KRT18: variants seen among roughly 807,000 people sequenced by gnomAD.
KRT18 encodes keratin, type I cytoskeletal 18.
In KRT18, 8 loss-of-function variants were observed where a neutral mutation model predicts 39.9. The observed-to-expected ratio is 0.20, with a 90% CI of 0.12 to 0.36. The LOEUF (loss-of-function observed/expected upper bound fraction) is 0.36. Among genes scored for constraint, KRT18 ranks in the 10% least tolerant of loss-of-function variants. The pLI, the probability that KRT18 is intolerant of heterozygous loss-of-function variation, is 1.00. For synonymous variants in KRT18, 194 were observed against 227.8 expected (o/e 0.85, Z 1.33); for missense variants, 396 against 565.7 (o/e 0.70, Z 3.04).
intron 2 of KRT18, 70 bp from the exon 3 acceptor site, chr12:52,950,680 G>A (rs931302561): frequency 1.6e-5 from 24 of 1,506,196 alleles, no homozygotes; most frequent in Non-Finnish European, 3.6e-6. Context: ...ACTTCTCTTA[G>A]TAGGTGGCAT....
intron 1 of KRT18, 98 bp downstream of exon 1, chr12:52,949,688 A>G: frequency 9.3e-7 from 1 of 1,072,424 alleles, no homozygotes. Flanking sequence ...CCCAACCCCT[A>G]CTCCACCGGG....
rs1942504340 is a variant in KRT18 at position 52,952,247 on chromosome 12, G to C, written c.1077G>C (p.Gln359His). 6.2e-7 allele frequency: 1 copy of C among 1,605,934 alleles called. No homozygotes were observed. The highest frequency in any genetic ancestry group is 8.5e-7 in the Non-Finnish European group (1 of 1,177,154). Residue 359 changes from glutamine to histidine, a missense_variant, in exon 6 of 7, where the codon CAG (glutamine) becomes CAC (histidine). Physicochemically the swap from Gln to His is conservative, Grantham distance 24 (BLOSUM62 0). Coordinates refer to ENST00000388835, the MANE Select transcript of KRT18 (RefSeq NM_000224.3). Reference protein sequence around the residue: ...LAQTRAEGQRQAQEYEALLNI... With the variant: ...LAQTRAEGQRHAQEYEALLNI... ...AGACCCGGGCAGAGGGACAGCGCCA[G>C]GCCCAGGAGTATGAGGCCCTGCTGA...
chr12:52,952,528 C>CA (rs761906127), intron 6 of KRT18, 186 bp downstream of exon 6: 43 of 777,658 alleles, frequency 5.5e-5, no homozygotes, highest in Non-Finnish European at 9.3e-5. Flanking sequence ...TTGAAGAAAG[C>CA]AAACTAAGTA....
rs1015378270 is a variant in KRT18, at chr12:52,952,770, G to A, written c.1221G>A (p.Lys407=). Reference sequence around the variant, plus strand: ...GCAACTCCATGCAAACCATCCAAAAGACCACCACCCGCCGGATAGTGGATG... The same window carrying A: ...GCAACTCCATGCAAACCATCCAAAAAACCACCACCCGCCGGATAGTGGATG... ...DSSNSMQTIQ[K]TTTRRIVDGK... The change falls in exon 7 of 7, where the codon AAG becomes AAA. Residue 407 remains lysine (K), a synonymous_variant. Transcript: ENST00000388835. 6.2e-7 allele frequency: 1 copy of A among 1,613,136 alleles called. No homozygotes were observed. Among genetic ancestry groups the A allele is most frequent in the African/African-American group, 1.3e-5 (1 of 74,876 alleles).
chr12:52,950,483 G>C, intron 2 of KRT18, 73 bp downstream of exon 2: 1 of 1,111,642 alleles, frequency 9.0e-7, no homozygotes. Context: ...GGCTGGGTCA[G>C]TTAGGGGCTC....
intron 3 of KRT18, 51 bp from the exon 4 acceptor site, chr12:52,951,430 G>C: frequency 6.3e-7 from 1 of 1,580,410 alleles, no homozygotes; most frequent in Non-Finnish European, 8.7e-7. Flanking sequence ...GAAAGGCCTT[G>C]TTGGAGCTCT....
At chr12:52,951,961 C>A in intron 5 of KRT18, 105 bp downstream of exon 5, 1 of 1,441,168 alleles carries the variant, frequency 6.9e-7, no homozygotes, top group Non-Finnish European at 9.7e-7. Context: ...TCCTTTAGCT[C>A]AGAAAGAGTC....
chr12:52,951,234 C>T (rs1173940539), intron 3 of KRT18, among the ~76,000 whole-genome samples: 6 of 152,102 alleles, frequency 3.9e-5, no homozygotes, highest in Non-Finnish European at 1.5e-5. Flanking sequence ...GTAGAAGGAG[C>T]AGGTTTGTGA....
At chr12:52,949,013 C>T, upstream of KRT18, 15 of 612,500 alleles carry the variant, frequency 2.4e-5, no homozygotes, top group Non-Finnish European at 3.6e-5. Context: ...GGGCGGAGGG[C>T]GCGGGCTCCG....
intron 1 of KRT18, 160 bp downstream of exon 1, chr12:52,949,750 C>T (rs1942444128): frequency 1.4e-6 from 1 of 736,410 alleles, no homozygotes; most frequent in African/African-American, 1.7e-5. Flanking sequence ...CACAGGGTCC[C>T]TAAGAGCAGC....
Position 52,952,277 on chromosome 12 carries a change from C to T in KRT18, c.1107C>T (p.Ile369=). The part of the protein sequence containing the change: ...QAQEYEALLN[I]KVKLEAEIAT... The stretch of plus-strand genomic sequence containing the variant: ...AGGAGTATGAGGCCCTGCTGAACAT[C>T]AAGGTCAAGCTGGAGGCTGAGATCG... The change falls in exon 6 of 7, where the codon ATC becomes ATT. Residue 369 remains isoleucine, a synonymous_variant. Transcript: ENST00000388835. 6.2e-7 allele frequency: 1 copy of T among 1,608,742 alleles called. No homozygotes were observed. The highest frequency in any genetic ancestry group is 1.1e-5 in the South Asian group (1 of 89,968).
chr12:52,952,644 G>C, intron 6 of KRT18, 78 bp from the exon 7 acceptor site: 1 of 1,501,308 alleles, frequency 6.7e-7, no homozygotes, highest in Non-Finnish European at 9.3e-7. Context: ...AGGTCAGGAG[G>C]CTTTTTCCCT....
In KRT18 at chr12:52,952,124, C is replaced by T; in HGVS notation, c.954C>T (p.Ala318=). Residue 318 remains alanine (A), a synonymous_variant, in exon 6 of 7, where the codon GCC becomes GCT. Transcript: ENST00000388835. Reference sequence around the variant, plus strand: ...TCCTCTCTGTGCCCCTGCAGAAGGCCAGCTTGGAGAACAGCCTGAGGGAGG... The same window carrying T: ...TCCTCTCTGTGCCCCTGCAGAAGGCTAGCTTGGAGAACAGCCTGAGGGAGG... The part of the protein sequence containing the change: ...IDLDSMRNLK[A]SLENSLREVE... 6.4e-7 allele frequency: 1 copy of T among 1,559,474 alleles called. No homozygotes were observed. The highest frequency in any genetic ancestry group is 8.7e-7 in the Non-Finnish European group (1 of 1,150,800).
At position 52,950,798 on chromosome 12, in the gene KRT18, T is replaced by C. The variant is rs1380927371; in HGVS notation, c.549T>C (p.His183=). 6.2e-7 allele frequency: 1 copy of C among 1,611,116 alleles called. No homozygotes were observed. Among genetic ancestry groups the C allele is most frequent in the Non-Finnish European group, 8.5e-7 (1 of 1,179,534 alleles). Residue 183 remains histidine, a synonymous_variant, in exon 3 of 7, where the codon CAT becomes CAC. Transcript: ENST00000388835. ...AMRQSVENDI[H]GLRKVIDDTN... ...GCCAGTCTGTGGAGAACGACATCCA[T>C]GGGCTCCGCAAGGTCATTGATGACA... is the stretch of plus-strand genomic sequence containing the variant.
chr12:52,951,585 C>T lies in KRT18; in HGVS notation c.762C>T (p.Ala254=), dbSNP rs145578755. 1.1e-4 allele frequency: 174 copies of T among 1,614,000 alleles called. No individual in the cohort carries two copies. Among genetic ancestry groups the T allele is most frequent in the Non-Finnish European group, 1.4e-4 (165 of 1,180,030 alleles). The stretch of plus-strand genomic sequence containing the variant: ...CCAAGATCATGGCAGACATCCGGGC[C>T]CAATATGACGAGCTGGCTCGGAAGA... The part of the protein sequence containing the change: ...DLAKIMADIR[A]QYDELARKNR... Residue 254 remains alanine, a synonymous_variant, in exon 4 of 7, where the codon GCC becomes GCT. Coordinates refer to ENST00000388835, the MANE Select transcript of KRT18 (RefSeq NM_000224.3).
chr12:52,949,166 C>G lies in KRT18; in HGVS notation c.-8C>G, dbSNP rs765308206. 7 of 1,610,798 alleles carry G rather than the reference C, an allele frequency of 4.3e-6. No homozygotes were observed. Among genetic ancestry groups the G allele is most frequent in the Non-Finnish European group, 5.9e-6 (7 of 1,178,998 alleles). On this transcript the variant is annotated 5_prime_UTR_variant, in exon 1 of 7. Transcript: ENST00000388835. ...CTGAGTCCTGTCCTTTCTCTCTCCC[C>G]GGACAGCATGAGCTTCACCACTCGC... is the stretch of plus-strand genomic sequence containing the variant.
At position 52,949,478 on chromosome 12, in the gene KRT18, A is replaced by T. The variant is rs144926827; in HGVS notation, c.305A>T (p.Glu102Val). 63 of 1,613,398 alleles carry T rather than the reference A, an allele frequency of 3.9e-5. No individual in the cohort carries two copies. The highest frequency in any genetic ancestry group is 5.1e-5 in the Non-Finnish European group (60 of 1,180,052). The change falls in exon 1 of 7, where the codon GAG becomes GTG. Residue 102 changes from glutamate to valine, a missense_variant. Glu to Val is a moderately radical substitution (Grantham distance 121, BLOSUM62 -2). Coordinates refer to ENST00000388835, the MANE Select transcript of KRT18 (RefSeq NM_000224.3). ...TACCTGGACAGAGTGAGGAGCCTGG[A>T]GACCGAGAACCGGAGGCTGGAGAGC... ...ASYLDRVRSL[E>V]TENRRLESKI...
At chr12:52,950,676 CTT>C in intron 2 of KRT18, 72 bp from the exon 3 acceptor site, 23 of 1,495,612 alleles carry the variant, frequency 1.5e-5, no homozygotes, top group Non-Finnish European at 2.1e-5. Context: ...CAGAACTTCT[CTT>C]AGTAGGTGGC....
intron 1 of KRT18, chr12:52,949,853 A>C (rs757515582): frequency 1.5e-4 from 108 of 700,244 alleles, no homozygotes; most frequent in Middle Eastern, 2.5e-4. Flanking sequence ...GGAGGGAGGT[A>C]AGGAAAGGCC....
Sources: allele counts gnomAD v4.1 joint callset (sites outside exome capture counted in the v4.1 genomes callset), GRCh38; gene constraint gnomAD v4.1.1; transcripts MANE v1.5; gene names NCBI Gene and HGNC (gene_info 2026-07-23, HGNC 2026-07-21).